The following MMEL1 variants were observed in gnomAD, a reference collection of about 807,000 sequenced individuals.
The protein encoded by MMEL1 is membrane metallo-endopeptidase-like 1.
MMEL1 carries 98 observed loss-of-function variants against 117.1 expected under a neutral mutation model. That is an observed-to-expected ratio of 0.84 (90% CI 0.71 to 0.99). The LOEUF (loss-of-function observed/expected upper bound fraction) is 0.99, where lower values mean the gene tolerates loss of function less well. Ranked by LOEUF, MMEL1 falls within the 50% of genes least tolerant of loss-of-function variation. The pLI is 0.00. For missense variants in MMEL1, 1,014 were observed against 1,049.1 expected, an observed-to-expected ratio of 0.97 and a Z score of 0.46; for synonymous variants, 390 against 415.1, an observed-to-expected ratio of 0.94 and a Z score of 0.74.
At position 2,594,875 on chromosome 1, in the gene MMEL1, G is replaced by T. The variant is rs1272973197; in HGVS notation, c.1603C>A (p.Leu535Met). Reference protein sequence around the residue: ...EYSNLNFSEDLYFENSLQNLK... With the variant: ...EYSNLNFSEDMYFENSLQNLK... ...TTCTGCAGACTGTTCTCAAAGTACA[G>T]GTCCTCTGAGAAGTTCAGCTACGGG... Residue 535 changes from leucine (L) to methionine (M), a missense_variant, in exon 17 of 24, where the codon CTG becomes ATG. Coordinates refer to ENST00000378412, the MANE Select transcript of MMEL1 (RefSeq NM_033467.4). The T allele has an allele frequency of 1.9e-6, 3 of 1,613,908 alleles. No homozygotes were observed. The highest frequency in any genetic ancestry group is 1.7e-6 in the Non-Finnish European group (2 of 1,179,912).
intron 11 of MMEL1, among the ~76,000 whole-genome samples, chr1:2,599,670 C>T (rs1644900201): frequency 6.6e-6 from 1 of 152,132 alleles, no homozygotes; most frequent in African/African-American, 2.4e-5. Context: ...CCATGCTGGC[C>T]AACATGGTGA....
intron 3 of MMEL1, 189 bp from the exon 4 acceptor site, chr1:2,611,529 C>A: frequency 1.9e-6 from 1 of 517,076 alleles, no homozygotes; most frequent in East Asian, 3.4e-5. Context: ...GTAACCAAAG[C>A]ATAGTCTGGT....
At position 2,632,206 on chromosome 1, in the gene MMEL1, TG is replaced by T. The variant is rs1208560945; in HGVS notation, c.-38+659del. On this transcript the variant is annotated intron_variant, in intron 1 of 23. Coordinates refer to ENST00000378412, the MANE Select transcript of MMEL1 (RefSeq NM_033467.4). Reference sequence around the variant, plus strand: ...ACTCGGGGAGCCCCAGCCCCTCCCCTGCTCTGTGTCTCTCCAGGGACTCCCA... The same window carrying T: ...ACTCGGGGAGCCCCAGCCCCTCCCCTCTCTGTGTCTCTCCAGGGACTCCCA... Among the ~76,000 whole-genome samples, 3 of 143,472 alleles carry T rather than the reference TG, an allele frequency of 2.1e-5. No homozygotes were observed. In the East Asian group the frequency reaches 6.4e-4, roughly 30 times the overall value. 94.1% of individuals were successfully genotyped at this position (143,472 alleles called of 152,430 possible).
chr1:2,620,599 C>A (rs1299897164), intron 2 of MMEL1, among the ~76,000 whole-genome samples: 4 of 152,012 alleles, frequency 2.6e-5, no homozygotes, highest in African/African-American at 7.3e-5. Flanking sequence ...GGTTTAAAAT[C>A]AGCTCAATGG....
intron 16 of MMEL1, 40 bp from the exon 17 acceptor site, chr1:2,594,933 G>A: frequency 6.5e-7 from 1 of 1,550,264 alleles, no homozygotes; most frequent in Non-Finnish European, 8.9e-7. Flanking sequence ...GCTGGGGCCG[G>A]GCCCTCAGAG....
intron 2 of MMEL1, among the ~76,000 whole-genome samples, chr1:2,620,756 C>T: frequency 7.8e-6 from 1 of 128,138 alleles, no homozygotes; most frequent in Admixed American, 8.8e-5. Flanking sequence ...AGTGGGAAAA[C>T]ATTTTTAAAC....
In MMEL1 at chr1:2,592,323, C is replaced by T. The variant is rs557394064; in HGVS notation, c.2068-296G>A. On this transcript the variant is annotated intron_variant, in intron 21 of 23. Coordinates refer to ENST00000378412, the MANE Select transcript of MMEL1 (RefSeq NM_033467.4). ...GCACTGGTGCCCCCCTCCCCTGCAG[C>T]GCTGATGCCCCCCCTCCCCTGCCAT... Among the ~76,000 whole-genome samples, 133 of 85,174 alleles carry T rather than the reference C, an allele frequency of 1.6e-3. 8 individuals are homozygous for T. The highest frequency in any genetic ancestry group is 5.8e-3 in the African/African-American group (117 of 20,234). The allele number at this position is 85,174 out of a possible 152,430, so 55.9% of individuals were successfully genotyped here.
rs1184541385 is a variant in MMEL1 at position 2,591,667 on chromosome 1, C to T, written c.2164-34G>A. On this transcript the variant is annotated intron_variant, in intron 22 of 23. Coordinates refer to ENST00000378412, the MANE Select transcript of MMEL1 (RefSeq NM_033467.4). ...ATGTTGGGGGCGTGGCTACAGGTGGCGTGGTGGGGTGGCCAGGAGGGGTGG... is the reference window on the plus strand; with the variant it reads ...ATGTTGGGGGCGTGGCTACAGGTGGTGTGGTGGGGTGGCCAGGAGGGGTGG... 42 of 555,142 alleles carry T rather than the reference C, an allele frequency of 7.6e-5. No homozygotes were observed. The Middle Eastern group carries it at 1.3e-3, about 17-fold the overall frequency. 34.4% of individuals were successfully genotyped at this position (555,142 alleles called of 1,614,324 possible).
rs372890618 is a variant in MMEL1 at position 2,606,298 on chromosome 1, C to G, written c.700G>C (p.Asp234His). 1 of 1,613,096 alleles carries G rather than the reference C, an allele frequency of 6.2e-7. No homozygotes were observed. The highest frequency in any genetic ancestry group is 1.1e-5 in the South Asian group (1 of 91,082). The change falls in exon 8 of 24, where the codon GAC becomes CAC. Residue 234 changes from aspartate (D) to histidine (H), a missense_variant. Transcript: ENST00000378412. ...NSQFNRRVLI[D>H]LFIWNDDQNS... ...TGGTCGTCGTTCCAGATGAAGAGGT[C>G]GATGAGGACGCGCCTGTTGAACTGT...
At position 2,605,600 on chromosome 1, in the gene MMEL1, C is replaced by T; in HGVS notation, c.774G>A (p.Met258Ile). The change falls in exon 9 of 24, where the codon ATG (methionine) becomes ATA (isoleucine). Residue 258 changes from methionine to isoleucine, a missense_variant. By Grantham distance (10) the Met-to-Ile change is conservative. Coordinates refer to ENST00000378412, the MANE Select transcript of MMEL1 (RefSeq NM_033467.4). ...CGTTGAAGTAGTACTCTCGGGAGGG[C>T]ATGCCCAAGGTGGGCTGGTCTATCT... Reference protein sequence around the residue: ...IIYIDQPTLGMPSREYYFNGG... With the variant: ...IIYIDQPTLGIPSREYYFNGG... The T allele has an allele frequency of 2.5e-6, 4 of 1,612,894 alleles. No individual in the cohort carries two copies. Among genetic ancestry groups the T allele is most frequent in the Non-Finnish European group, 3.4e-6 (4 of 1,179,318 alleles).
At chr1:2,598,910 T>A in intron 11 of MMEL1, 120 bp from the exon 12 acceptor site, 1 of 803,504 alleles carries the variant, frequency 1.2e-6, no homozygotes, top group Non-Finnish European at 1.9e-6. Context: ...GAAGTGCAGG[T>A]AATCAGAATC....
intron 11 of MMEL1, among the ~76,000 whole-genome samples, chr1:2,599,639 C>T (rs951315056): frequency 6.6e-6 from 1 of 152,192 alleles, no homozygotes; most frequent in Non-Finnish European, 1.5e-5. Context: ...GGGCAGATCA[C>T]CTGAGGCCAG....
intron 2 of MMEL1, among the ~76,000 whole-genome samples, chr1:2,613,352 C>T (rs1156684259): frequency 1.3e-5 from 2 of 152,148 alleles, no homozygotes; most frequent in Non-Finnish European, 2.9e-5. Context: ...AACCCAGAGC[C>T]TATGGACCAG....
intron 23 of MMEL1, 22 bp from the exon 24 acceptor site, chr1:2,591,111 A>G: frequency 6.6e-7 from 1 of 1,518,418 alleles, no homozygotes; most frequent in Non-Finnish European, 8.9e-7. Flanking sequence ...TGGGTGTGAC[A>G]GCAGGAGCAT....
Position 2,625,268 on chromosome 1 carries a change from G to C in MMEL1, c.154+4063C>G, listed in dbSNP as rs563231579. The stretch of plus-strand genomic sequence containing the variant: ...AGTCCAAAGTTTCATCTGAGACAAG[G>C]TGTCTCGGGCCTAGTGGGCCTGTTT... On this transcript the variant is annotated intron_variant, in intron 2 of 23. Transcript: ENST00000378412. Among the ~76,000 whole-genome samples, 14 of 152,304 alleles carry C rather than the reference G, an allele frequency of 9.2e-5. No individual in the cohort carries two copies. The South Asian group carries it at 1.0e-3, about 11-fold the overall frequency.
intron 2 of MMEL1, among the ~76,000 whole-genome samples, chr1:2,624,154 A>G (rs543484284): frequency 6.6e-6 from 1 of 152,320 alleles, no homozygotes; most frequent in South Asian, 2.1e-4. Context: ...GCCCGAGCCT[A>G]GTACTGACCA....
intron 2 of MMEL1, among the ~76,000 whole-genome samples, chr1:2,620,867 GC>G (rs1397749319): frequency 1.3e-5 from 2 of 151,894 alleles, no homozygotes; most frequent in Non-Finnish European, 2.9e-5. Context: ...CTCCCTTCAG[GC>G]AAGGGCATTC....
chr1:2,591,532 G>T, intron 23 of MMEL1, 25 bp downstream of exon 23: 1 of 1,601,444 alleles, frequency 6.2e-7, no homozygotes, highest in Non-Finnish European at 8.6e-7. Flanking sequence ...GGGTGGCAAG[G>T]GGGTTGTGAG....
At chr1:2,594,692 G>T in intron 17 of MMEL1, 98 bp downstream of exon 17, 1 of 1,095,960 alleles carries the variant, frequency 9.1e-7, no homozygotes, top group Non-Finnish European at 1.4e-6. Context: ...CTGGACCCCA[G>T]CCACGCATCC....
Sources: allele counts gnomAD v4.1 joint callset (sites outside exome capture counted in the v4.1 genomes callset), GRCh38; gene constraint gnomAD v4.1.1; transcripts MANE v1.5; gene names NCBI Gene and HGNC (gene_info 2026-07-23, HGNC 2026-07-21).